Variants in LRRTM4 observed in about 807,000 individuals in gnomAD.
LRRTM4 encodes leucine rich repeat transmembrane neuronal 4, also known as leucine-rich repeat transmembrane neuronal protein 4.
A neutral mutation model predicts 47.6 loss-of-function variants in LRRTM4; 25 were observed. The observed-to-expected ratio is 0.53, with a 90% CI of 0.38 to 0.73. The LOEUF (loss-of-function observed/expected upper bound fraction) is 0.73, where lower values mean the gene tolerates loss of function less well. Among genes scored for constraint, LRRTM4 ranks in the 30% least tolerant of loss-of-function variants. The probability of loss-of-function intolerance (pLI) is 0.00; values close to 1 mark genes in which losing one functional copy is unlikely to be tolerated. For synonymous variants in LRRTM4, 311 were observed against 269.5 expected, an observed-to-expected ratio of 1.15 and a Z score of -1.51; for missense variants, 638 against 713.4, an observed-to-expected ratio of 0.89 and a Z score of 1.20.
chr2:76,850,603 C>G (rs891315735), intron 3 of LRRTM4, among the ~76,000 whole-genome samples: 1 of 152,090 alleles, frequency 6.6e-6, no homozygotes, highest in African/African-American at 2.4e-5. Context: ...ATGCATATGT[C>G]CCACAATCTG....
intron 3 of LRRTM4, among the ~76,000 whole-genome samples, chr2:77,025,109 A>G (rs1678410048): frequency 6.6e-6 from 1 of 152,204 alleles, no homozygotes; most frequent in African/African-American, 2.4e-5. Context: ...CACTCATTCT[A>G]AAAGTTAAGA....
chr2:77,083,997 G>C (rs1680625888), intron 3 of LRRTM4, among the ~76,000 whole-genome samples: 1 of 151,190 alleles, frequency 6.6e-6, no homozygotes, highest in African/African-American at 2.4e-5. Flanking sequence ...AGTAGAGACG[G>C]GGTTTCACCA....
chr2:77,311,024 G>T (rs554053473), intron 3 of LRRTM4, among the ~76,000 whole-genome samples: 1 of 151,096 alleles, frequency 6.6e-6, no homozygotes, highest in East Asian at 1.9e-4. Flanking sequence ...TTATGTGTGT[G>T]GTGTGTGTGT....
chr2:77,405,059 T>C lies in LRRTM4; in HGVS notation c.1551+113259A>G, dbSNP rs186715375. Among the ~76,000 whole-genome samples, 7 of 152,212 alleles carry C rather than the reference T, an allele frequency of 4.6e-5. No individual in the cohort carries two copies. In the East Asian group the frequency reaches 1.4e-3, roughly 29 times the overall value. On this transcript the variant is annotated intron_variant, in intron 3 of 3. Coordinates refer to ENST00000409884, the MANE Select transcript of LRRTM4 (RefSeq NM_001134745.3). The stretch of plus-strand genomic sequence containing the variant: ...TATAAACTTATTAAACAATCAGCAA[T>C]CAGTTTTACTAAATAGCAAGTGTAA...
chr2:77,429,811 A>G (rs1675290080), intron 3 of LRRTM4, among the ~76,000 whole-genome samples: 1 of 152,212 alleles, frequency 6.6e-6, no homozygotes, highest in Admixed American at 6.5e-5. Flanking sequence ...CATGCCTGTA[A>G]TCACAGCACT....
At chr2:77,048,511 T>G (rs1444270281) in intron 3 of LRRTM4, among the ~76,000 whole-genome samples, 1 of 152,084 alleles carries the variant, frequency 6.6e-6, no homozygotes, top group Admixed American at 6.6e-5. Context: ...TGCATATGAT[T>G]AAAACCATGC....
intron 3 of LRRTM4, among the ~76,000 whole-genome samples, chr2:77,490,956 A>AT (rs147988110): frequency 1.5e-4 from 23 of 151,260 alleles, no homozygotes; most frequent in South Asian, 4.2e-4. Flanking sequence ...AAAATGATTC[A>AT]TTTTTTTTTC....
chr2:76,775,524 A>C (rs1016378703), intron 3 of LRRTM4, among the ~76,000 whole-genome samples: 4 of 152,146 alleles, frequency 2.6e-5, no homozygotes, highest in Non-Finnish European at 5.9e-5. Context: ...GGGACAAATC[A>C]TCAATAGAAT....
intron 3 of LRRTM4, among the ~76,000 whole-genome samples, chr2:76,892,450 T>C (rs1673285236): frequency 6.6e-6 from 1 of 151,812 alleles, no homozygotes. Flanking sequence ...CATGTATTTA[T>C]AGCTTCTGGA....
chr2:77,031,039 T>C (rs1310761967), intron 3 of LRRTM4, among the ~76,000 whole-genome samples: 1 of 152,152 alleles, frequency 6.6e-6, no homozygotes, highest in Non-Finnish European at 1.5e-5. Context: ...CTGTAAATAT[T>C]ATTTTCTTAT....
chr2:77,146,874 C>A lies in LRRTM4; in HGVS notation c.1551+371444G>T, dbSNP rs1440230503. 3.9e-5 allele frequency among the ~76,000 whole-genome samples: 6 copies of A among 151,948 alleles called. No individual in the cohort carries two copies. In the East Asian group the frequency reaches 1.2e-3, roughly 29 times the overall value. On this transcript the variant is annotated intron_variant, in intron 3 of 3. Transcript: ENST00000409884. The stretch of plus-strand genomic sequence containing the variant: ...TCTTTCCCTCATTCTTCTTTCTTAT[C>A]AAAAATTACTTGAGTTATGCCTCAT...
chr2:76,928,314 A>T (rs1317225839), intron 3 of LRRTM4, among the ~76,000 whole-genome samples: 1 of 152,198 alleles, frequency 6.6e-6, no homozygotes. Context: ...AAGTGGTATC[A>T]TGTATAATTT....
intron 3 of LRRTM4, among the ~76,000 whole-genome samples, chr2:77,128,201 G>A (rs1049547469): frequency 1.6e-4 from 25 of 151,964 alleles, no homozygotes; most frequent in African/African-American, 6.0e-4. Flanking sequence ...TAAAATAAGT[G>A]TTGTTTCAAG....
At chr2:77,011,739 C>G (rs1677883916) in intron 3 of LRRTM4, among the ~76,000 whole-genome samples, 2 of 152,004 alleles carry the variant, frequency 1.3e-5, no homozygotes, top group African/African-American at 4.8e-5. Flanking sequence ...TTATAGTTAA[C>G]ATTATCTTAT....
chr2:76,795,060 T>A (rs1358440834), intron 3 of LRRTM4, among the ~76,000 whole-genome samples: 1 of 151,880 alleles, frequency 6.6e-6, no homozygotes, highest in Non-Finnish European at 1.5e-5. Flanking sequence ...GATAGTAAGC[T>A]AAAGTAAAAA....
intron 3 of LRRTM4, among the ~76,000 whole-genome samples, chr2:77,060,601 T>C (rs1679755176): frequency 6.6e-6 from 1 of 152,178 alleles, no homozygotes; most frequent in South Asian, 2.1e-4. Flanking sequence ...TTTTAATTCA[T>C]GATAAAATAT....
intron 3 of LRRTM4, among the ~76,000 whole-genome samples, chr2:77,109,697 T>C (rs1327941301): frequency 1.3e-5 from 2 of 150,976 alleles, no homozygotes; most frequent in Non-Finnish European, 3.0e-5. Flanking sequence ...GACCAAAAAA[T>C]AGTAACATAG....
chr2:77,399,973 T>A (rs1358520070), intron 3 of LRRTM4, among the ~76,000 whole-genome samples: 1 of 151,832 alleles, frequency 6.6e-6, no homozygotes, highest in Admixed American at 6.6e-5. Flanking sequence ...AACTCGCTAA[T>A]GGCTAATTTA....
rs770133274 is a variant in LRRTM4, at chr2:77,245,517, C to CAA, written c.1551+272799_1551+272800dup. Among the ~76,000 whole-genome samples the CAA allele has an allele frequency of 1.6e-3, 135 of 86,442 alleles. 1 individual carries two copies. Among genetic ancestry groups the CAA allele is most frequent in the African/African-American group, 4.3e-3 (113 of 26,362 alleles). The allele number at this position is 86,442 out of a possible 152,430, so 56.7% of individuals were successfully genotyped here. On this transcript the variant is annotated intron_variant, in intron 3 of 3. Coordinates refer to ENST00000409884, the MANE Select transcript of LRRTM4 (RefSeq NM_001134745.3). Reference sequence around the variant, plus strand: ...TGGGATACAGAGCAAGACACTGCCTCAAAAAAAAAAAAAAAAAAAAAGAAG... The same window carrying CAA: ...TGGGATACAGAGCAAGACACTGCCTCAAAAAAAAAAAAAAAAAAAAAAAGAAG...
Sources: allele counts gnomAD v4.1 joint callset (sites outside exome capture counted in the v4.1 genomes callset), GRCh38; gene constraint gnomAD v4.1.1; transcripts MANE v1.5; gene names NCBI Gene and HGNC (gene_info 2026-07-23, HGNC 2026-07-21).